Variants in EXOC5 observed in about 807,000 individuals in gnomAD.
EXOC5 encodes the protein exocyst complex component 5.
A neutral mutation model predicts 90.8 loss-of-function variants in EXOC5; 17 were observed. The ratio of observed to expected loss-of-function variants is 0.19; its 90% CI spans 0.13 to 0.28. EXOC5 has a LOEUF of 0.28. EXOC5 is among the 10% of genes least tolerant of loss of function. The pLI, the probability that EXOC5 is intolerant of heterozygous loss-of-function variation, is 1.00. For missense variants in EXOC5, 569 were observed against 830.6 expected, an observed-to-expected ratio of 0.69 and a Z score of 3.87; for synonymous variants, 260 against 270.0, an observed-to-expected ratio of 0.96 and a Z score of 0.36.
chr14:57,218,753 TTA>T (rs1240583430), intron 14 of EXOC5, among the ~76,000 whole-genome samples: 21 of 152,220 alleles, frequency 1.4e-4, no homozygotes, highest in Non-Finnish European at 2.4e-4. Context: ...TCAAAAAATT[TTA>T]TATGAGTATT....
chr14:57,240,822 G>A (rs1040382150), intron 4 of EXOC5, among the ~76,000 whole-genome samples: 1 of 152,048 alleles, frequency 6.6e-6, no homozygotes, highest in Non-Finnish European at 1.5e-5. Flanking sequence ...AAATACGAAG[G>A]AAGAGCTAAG....
At chr14:57,267,035 C>T (rs1486443357) in intron 1 of EXOC5, among the ~76,000 whole-genome samples, 1 of 152,044 alleles carries the variant, frequency 6.6e-6, no homozygotes, top group Admixed American at 6.5e-5. Context: ...GCTGGCTTGC[C>T]GGCAAATACC....
chr14:57,220,137 T>C (rs1172018727), intron 13 of EXOC5, among the ~76,000 whole-genome samples: 2 of 152,024 alleles, frequency 1.3e-5, no homozygotes, highest in South Asian at 2.1e-4. Context: ...GCTTGACACA[T>C]AGAGTTCTTT....
rs528413683 is a variant in EXOC5 at position 57,204,838 on chromosome 14, C to T, written c.*3771G>A. 2.0e-5 allele frequency: 3 copies of T among 152,248 alleles called. No homozygotes were observed. Among genetic ancestry groups the T allele is most frequent in the South Asian group, 4.2e-4 (2 of 4,814 alleles). The allele number at this position is 152,248 out of a possible 1,614,324, so 9.4% of individuals were successfully genotyped here. ...ACACAACAGTAAATTAGATATTGAC[C>T]CTGTATGCCAACTTTGTAATATAAA... On this transcript the variant is annotated 3_prime_UTR_variant, in exon 18 of 18. Coordinates refer to ENST00000621441, the MANE Select transcript of EXOC5 (RefSeq NM_006544.4).
At chr14:57,250,415 T>C (rs1163801019) in intron 1 of EXOC5, among the ~76,000 whole-genome samples, 2 of 152,302 alleles carry the variant, frequency 1.3e-5, no homozygotes, top group East Asian at 1.9e-4. Context: ...GGAATGCCTA[T>C]ACACAATAAT....
At chr14:57,244,493 G>T in intron 3 of EXOC5, 134 bp from the exon 4 acceptor site, 1 of 671,742 alleles carries the variant, frequency 1.5e-6, no homozygotes, top group Non-Finnish European at 2.6e-6. Context: ...ATGCTCATTA[G>T]TGTGACATGA....
chr14:57,222,579 A>G (rs1314317038), intron 12 of EXOC5, among the ~76,000 whole-genome samples, 163 bp from the exon 13 acceptor site: 2 of 151,936 alleles, frequency 1.3e-5, no homozygotes, highest in Non-Finnish European at 2.9e-5. Context: ...ATACACACAC[A>G]CACAATTACA....
At chr14:57,239,035 G>C (rs915479654) in intron 5 of EXOC5, among the ~76,000 whole-genome samples, 1 of 151,872 alleles carries the variant, frequency 6.6e-6, no homozygotes, top group East Asian at 1.9e-4. Flanking sequence ...TGGCTCTGGG[G>C]CCTTGCATTT....
chr14:57,236,919 AAGAG>A (rs1443124823), intron 6 of EXOC5, among the ~76,000 whole-genome samples: 5 of 152,072 alleles, frequency 3.3e-5, no homozygotes, highest in Admixed American at 2.6e-4. Context: ...TAAAAAAAAA[AAGAG>A]AGAATCTTAT....
intron 1 of EXOC5, among the ~76,000 whole-genome samples, chr14:57,263,825 A>G (rs1884590682): frequency 6.6e-6 from 1 of 150,996 alleles, no homozygotes; most frequent in Non-Finnish European, 1.5e-5. Flanking sequence ...ACCACTCCCT[A>G]TTCTTAAAAT....
intron 6 of EXOC5, among the ~76,000 whole-genome samples, chr14:57,236,816 A>G (rs555862852): frequency 6.6e-6 from 1 of 152,256 alleles, no homozygotes; most frequent in East Asian, 1.9e-4. Flanking sequence ...TCAAAAACCT[A>G]GAATGATCTA....
chr14:57,256,689 T>A (rs768396465), intron 1 of EXOC5, among the ~76,000 whole-genome samples: 1 of 152,204 alleles, frequency 6.6e-6, no homozygotes, highest in Non-Finnish European at 1.5e-5. Flanking sequence ...AAAGCCTTCA[T>A]GGGCAGATTT....
At chr14:57,225,728 T>C (rs554114348) in intron 12 of EXOC5, among the ~76,000 whole-genome samples, 69 of 152,270 alleles carry the variant, frequency 4.5e-4, no homozygotes, top group Non-Finnish European at 4.7e-4. Context: ...TATGACACAG[T>C]CTCAGGAGGT....
intron 1 of EXOC5, among the ~76,000 whole-genome samples, chr14:57,267,175 C>T (rs1373889179): frequency 6.6e-6 from 1 of 152,168 alleles, no homozygotes; most frequent in African/African-American, 2.4e-5. Flanking sequence ...AATGTCTCCC[C>T]GTTCTTGTGT....
intron 15 of EXOC5, 30 bp from the exon 16 acceptor site, chr14:57,210,091 A>G (rs759158193): frequency 2.8e-5 from 29 of 1,019,114 alleles, no homozygotes; most frequent in Non-Finnish European, 4.3e-5. Context: ...ACATTCTTTA[A>G]CCCATCTAAC....
rs761351003 is a variant in EXOC5 at position 57,210,036 on chromosome 14, T to C, written c.1639A>G (p.Met547Val). The change falls in exon 16 of 18, where the codon ATG becomes GTG. Residue 547 changes from methionine (M) to valine (V), a missense_variant. Physicochemically the swap from Met to Val is conservative, Grantham distance 21. Around this residue, in one of 9 missense-constraint regions of EXOC5, gnomAD observed 34 missense variants for 101.1 expected, o/e 0.34. Coordinates refer to ENST00000621441, the MANE Select transcript of EXOC5 (RefSeq NM_006544.4). ...DRTLNCMIGQ[M>V]KHILAAEQKK... ...TGTTCTGCAGCCAAAATATGCTTCA[T>C]CTGTCCAATCATACAATTTAATGTC... 1 of 1,587,018 alleles carries C rather than the reference T, an allele frequency of 6.3e-7. No individual in the cohort carries two copies. The highest frequency in any genetic ancestry group is 8.6e-7 in the Non-Finnish European group (1 of 1,157,884).
chr14:57,222,738 CATATATATATACACACACACACACATAT>C lies in EXOC5; in HGVS notation c.1297-350_1297-323del, dbSNP rs1290424571. ...TACCCCCATATATTATATACACACA[CATATATATATACACACACACACACATAT>C]ATATATATATATATGTATACACACA... On this transcript the variant is annotated intron_variant, in intron 12 of 17. Coordinates refer to ENST00000621441, the MANE Select transcript of EXOC5 (RefSeq NM_006544.4). Among the ~76,000 whole-genome samples the C allele has an allele frequency of 1.3e-4, 19 of 147,584 alleles. No individual in the cohort carries two copies. The East Asian group carries it at 3.5e-3, about 27-fold the overall frequency.
intron 7 of EXOC5, among the ~76,000 whole-genome samples, chr14:57,234,657 C>G (rs774474922): frequency 4.0e-5 from 6 of 151,246 alleles, no homozygotes; most frequent in Non-Finnish European, 8.8e-5. Flanking sequence ...CCTCTGCCTC[C>G]CAGGCTCATG....
At chr14:57,217,081 G>T (rs577734128) in intron 15 of EXOC5, among the ~76,000 whole-genome samples, 1 of 152,162 alleles carries the variant, frequency 6.6e-6, no homozygotes, top group African/African-American at 2.4e-5. Context: ...CCGTTAGGAT[G>T]GCTCTTTTCA....
Sources: gnomAD v4.1 joint callset for allele counts (sites outside exome capture counted in the v4.1 genomes callset) on GRCh38, gnomAD v4.1.1 for gene constraint, gnomAD v4.1.1 regional missense constraint, MANE v1.5 for transcripts, NCBI Gene and HGNC (gene_info 2026-07-23, HGNC 2026-07-21) for gene names.